The following SLC25A17 variants were observed in gnomAD, a reference collection of about 807,000 sequenced individuals.
The protein encoded by SLC25A17 is peroxisomal membrane protein PMP34.
In SLC25A17, 26 loss-of-function variants were observed where a neutral mutation model predicts 38.5. The ratio of observed to expected loss-of-function variants is 0.68; its 90% confidence interval spans 0.50 to 0.94. The LOEUF (loss-of-function observed/expected upper bound fraction) is 0.94. SLC25A17 is among the 40% of genes least tolerant of loss of function. The pLI, the probability that SLC25A17 is intolerant of heterozygous loss-of-function variation, is 0.00. For missense variants in SLC25A17, 333 were observed against 372.7 expected, an observed-to-expected ratio of 0.89 and a Z score of 0.88; for synonymous variants, 139 against 136.2, an observed-to-expected ratio of 1.02 and a Z score of -0.14.
At chr22:40,783,542 C>T (rs1315179508) in intron 4 of SLC25A17, among the ~76,000 whole-genome samples, 1 of 152,170 alleles carries the variant, frequency 6.6e-6, no homozygotes, top group Non-Finnish European at 1.5e-5. Context: ...CAGCCTCCTA[C>T]TCCTGGGCTT....
intron 2 of SLC25A17, 118 bp downstream of exon 2, chr22:40,798,905 C>T (rs138306): frequency 0.66 from 427,824 of 646,542 alleles, 145,957 homozygotes; most frequent in African/African-American, 0.88. Context: ...ATCATGCCAT[C>T]GCACTCCAGC....
intron 1 of SLC25A17, among the ~76,000 whole-genome samples, chr22:40,803,102 A>G (rs566019050): frequency 6.6e-6 from 1 of 152,316 alleles, no homozygotes; most frequent in Admixed American, 6.5e-5. Flanking sequence ...TTGTAATAGA[A>G]CACCAGAACT....
At chr22:40,773,309 C>T (rs1195514161) in intron 8 of SLC25A17, among the ~76,000 whole-genome samples, 2 of 148,356 alleles carry the variant, frequency 1.3e-5, no homozygotes, top group African/African-American at 5.0e-5. Context: ...ACTTGGGAGG[C>T]TGAGGCAGGA....
chr22:40,770,760 G>T lies in SLC25A17; in HGVS notation c.*74C>A. On this transcript the variant is annotated 3_prime_UTR_variant, in exon 9 of 9. Transcript: ENST00000435456. ...TGTGGTGGCAGGAGCCAGAGTCAAG[G>T]GAGAATCACTTCTCTTCACTCAGGA... is the stretch of plus-strand genomic sequence containing the variant. The T allele has an allele frequency of 6.9e-7, 1 of 1,452,802 alleles. No individual in the cohort carries two copies. Among genetic ancestry groups the T allele is most frequent in the Non-Finnish European group, 9.3e-7 (1 of 1,072,674 alleles). The allele number at this position is 1,452,802 out of a possible 1,614,324, so 90.0% of individuals were successfully genotyped here. A position where few individuals can be genotyped will look rare whatever the true frequency, so the allele number is the denominator to read the frequency against.
At chr22:40,798,402 T>C (rs2057449399) in intron 2 of SLC25A17, 1 of 152,084 alleles carries the variant, frequency 6.6e-6, no homozygotes, top group Admixed American at 6.6e-5. Context: ...ATCTGCCTCT[T>C]TCAGATCACT....
At chr22:40,805,750 T>C (rs998189179) in intron 1 of SLC25A17, among the ~76,000 whole-genome samples, 2 of 152,168 alleles carry the variant, frequency 1.3e-5, no homozygotes, top group African/African-American at 4.8e-5. Context: ...AATACAGCTC[T>C]GCTGACACTT....
chr22:40,783,296 T>C lies in SLC25A17; in HGVS notation c.335-4171A>G, dbSNP rs1454152020. Reference sequence around the variant, plus strand: ...TGTTGTGTGTGTATGTGGGCTCTTGTGTAGGATGATTAGCAGTCTCCCTGG... The same window carrying C: ...TGTTGTGTGTGTATGTGGGCTCTTGCGTAGGATGATTAGCAGTCTCCCTGG... On this transcript the variant is annotated intron_variant, in intron 4 of 8. Transcript: ENST00000435456. Among the ~76,000 whole-genome samples the C allele has an allele frequency of 2.0e-5, 3 of 152,192 alleles. 1 individual carries two copies. The highest frequency in any genetic ancestry group is 2.0e-4 in the Admixed American group (3 of 15,276).
At chr22:40,806,306 CG>C (rs2057529653) in intron 1 of SLC25A17, among the ~76,000 whole-genome samples, 1 of 152,102 alleles carries the variant, frequency 6.6e-6, no homozygotes, top group African/African-American at 2.4e-5. Context: ...TGTTAGAAAA[CG>C]TAAGTGTAAA....
At chr22:40,813,915 TAGTAAAAAA>T (rs1216068263) in intron 1 of SLC25A17, 5 of 152,500 alleles carry the variant, frequency 3.3e-5, no homozygotes, top group Admixed American at 2.0e-4. Context: ...AATTGCTATT[TAGTAAAAAA>T]TAAACACCAA....
chr22:40,804,885 G>C (rs1400024754), intron 1 of SLC25A17, among the ~76,000 whole-genome samples: 1 of 151,940 alleles, frequency 6.6e-6, no homozygotes, highest in Non-Finnish European at 1.5e-5. Context: ...CAAGGCAGGT[G>C]GATCACTTAA....
intron 5 of SLC25A17, among the ~76,000 whole-genome samples, chr22:40,778,205 A>G (rs2057263894): frequency 1.3e-5 from 2 of 152,330 alleles, no homozygotes; most frequent in Admixed American, 1.3e-4. Context: ...CTAGAATAAA[A>G]AAGTATAGAT....
chr22:40,797,372 T>A lies in SLC25A17; in HGVS notation c.115+1651A>T. 3.4e-6 allele frequency: 4 copies of A among 1,184,136 alleles called. No individual in the cohort carries two copies. The South Asian group carries it at 5.1e-5, about 15-fold the overall frequency. 73.4% of individuals were successfully genotyped at this position (1,184,136 alleles called of 1,614,324 possible). On this transcript the variant is annotated intron_variant, in intron 2 of 8. Transcript: ENST00000435456. ...AACAAGCAAGAATCACAGTGAGTTG[T>A]AGAGTCCCATAAAGCTGCAAAGGCA...
chr22:40,805,827 T>C (rs915663438), intron 1 of SLC25A17, among the ~76,000 whole-genome samples: 1 of 152,168 alleles, frequency 6.6e-6, no homozygotes, highest in Non-Finnish European at 1.5e-5. Flanking sequence ...AGAAAATAAA[T>C]TTGTGTTATT....
At chr22:40,776,353 C>G (rs1161693273) in intron 7 of SLC25A17, 2 of 460,632 alleles carry the variant, frequency 4.3e-6, no homozygotes, top group Admixed American at 4.9e-5. Context: ...TTCAAAAAAG[C>G]TAAATCATTC....
intron 1 of SLC25A17, among the ~76,000 whole-genome samples, chr22:40,806,919 T>C (rs2145699235): frequency 6.6e-6 from 1 of 152,296 alleles, no homozygotes; most frequent in East Asian, 1.9e-4. Context: ...ATAGGCACAA[T>C]CATTGTATAC....
chr22:40,810,673 T>C (rs1035776955), intron 1 of SLC25A17, among the ~76,000 whole-genome samples: 1 of 152,102 alleles, frequency 6.6e-6, no homozygotes, highest in African/African-American at 2.4e-5. Context: ...TTTTAATCGA[T>C]CAAAGCAAAG....
intron 4 of SLC25A17, among the ~76,000 whole-genome samples, chr22:40,783,479 G>A (rs770416069): frequency 1.6e-4 from 25 of 152,102 alleles, no homozygotes; most frequent in Non-Finnish European, 3.2e-4. Flanking sequence ...TCCATTAGCT[G>A]TTACAATTAT....
At chr22:40,814,821 TG>T (rs2057621939) in intron 1 of SLC25A17, among the ~76,000 whole-genome samples, 1 of 149,608 alleles carries the variant, frequency 6.7e-6, no homozygotes, top group African/African-American at 2.5e-5. Context: ...TGTTTTGTTT[TG>T]GTTTTTTTTG....
intron 2 of SLC25A17, 33 bp downstream of exon 2, chr22:40,798,990 C>T (rs2057456109): frequency 2.1e-6 from 3 of 1,411,266 alleles, no homozygotes; most frequent in South Asian, 1.2e-5. Context: ...TGCTTCCTGA[C>T]ACCATACAAA....
Sources: gnomAD v4.1 joint callset for allele counts (sites outside exome capture counted in the v4.1 genomes callset) on GRCh38, gnomAD v4.1.1 for gene constraint, MANE v1.5 for transcripts, NCBI Gene and HGNC (gene_info 2026-07-23, HGNC 2026-07-21) for gene names.